ZFHX3: variants seen among roughly 807,000 people sequenced by gnomAD.
The protein encoded by ZFHX3 is zinc finger homeobox 3, also known as zinc finger homeobox protein 3.
Under a neutral mutation model 279.1 loss-of-function variants are expected in ZFHX3, and 42 were observed. The ratio of observed to expected loss-of-function variants is 0.15; its 90% CI spans 0.12 to 0.19. ZFHX3 has a LOEUF of 0.19. Ranked by LOEUF, ZFHX3 falls within the 10% of genes least tolerant of loss-of-function variation. ZFHX3 has a pLI of 1.00. For synonymous variants in ZFHX3, 2,293 were observed against 1,957.8 expected (o/e 1.17, Z -4.52); for missense variants, 4,981 against 4,754.0 (o/e 1.05, Z -1.40).
chr16:73,349,105 CTT>C lies in ZFHX3; in HGVS notation c.-1290-30771_-1290-30770del, dbSNP rs1202221021. On this transcript the variant is annotated intron_variant, in intron 3 of 17. Coordinates refer to the ZFHX3 transcript ENST00000641206. ...AGATTCCCAAGGAGTATTTTTCACA[CTT>C]TCCCACTCAGGGATCTCCCGAGGGA... 2.0e-5 allele frequency among the ~76,000 whole-genome samples: 3 copies of C among 152,192 alleles called. No individual in the cohort carries two copies. In the East Asian group the frequency reaches 5.8e-4, roughly 29 times the overall value.
In ZFHX3 at chr16:73,379,955, T is replaced by A. The variant is rs141934238; in HGVS notation, c.-1290-61619A>T. On this transcript the variant is annotated intron_variant, in intron 3 of 17. Coordinates refer to the ZFHX3 transcript ENST00000641206. ...TTGGAGACTAAAAGCACAGTAACTGTGAAACTCCTGGAGGAACTCTAGAAT... is the reference window on the plus strand; with the variant it reads ...TTGGAGACTAAAAGCACAGTAACTGAGAAACTCCTGGAGGAACTCTAGAAT... Among the ~76,000 whole-genome samples the A allele has an allele frequency of 9.2e-5, 14 of 152,232 alleles. No individual in the cohort carries two copies. The East Asian group carries it at 2.7e-3, about 29-fold the overall frequency.
exon 5 of ZFHX3, chr16:73,257,116 C>G (rs1361710117): frequency 6.6e-6 from 1 of 152,190 alleles, no homozygotes; most frequent in Admixed American, 6.5e-5. Flanking sequence ...AGCACAACGT[C>G]TGGGTTCCCC....
intron 2 of ZFHX3, among the ~76,000 whole-genome samples, chr16:73,562,505 A>G (rs2020385641): frequency 6.7e-6 from 1 of 150,294 alleles, no homozygotes; most frequent in African/African-American, 2.5e-5. Context: ...CTGAGGCGGG[A>G]GAATGGCGTG....
chr16:73,330,590 C>A (rs1057357225), intron 3 of ZFHX3, among the ~76,000 whole-genome samples: 1 of 152,078 alleles, frequency 6.6e-6, no homozygotes, highest in Non-Finnish European at 1.5e-5. Context: ...CCTGGCTGAA[C>A]TTTGAAGTGG....
At chr16:72,875,528 A>G (rs1288281069) in intron 4 of ZFHX3, among the ~76,000 whole-genome samples, 7 of 152,252 alleles carry the variant, frequency 4.6e-5, no homozygotes. Context: ...GCCTCAGTGC[A>G]GTTTCTACTT....
exon 1 of ZFHX3, chr16:73,891,775 T>TCTCTC (rs2030547283): frequency 6.9e-6 from 1 of 144,000 alleles, no homozygotes; most frequent in African/African-American, 2.5e-5. Context: ...TCTCTCTCTC[T>TCTCTC]TCCTCCTCCT....
chr16:73,792,712 G>T (rs956535300), intron 1 of ZFHX3, among the ~76,000 whole-genome samples: 2 of 152,170 alleles, frequency 1.3e-5, no homozygotes, highest in Admixed American at 6.6e-5. Flanking sequence ...AATGGCAAGT[G>T]GTGGGTGAAG....
At chr16:73,416,813 G>A (rs1471165092) in intron 3 of ZFHX3, among the ~76,000 whole-genome samples, 2 of 149,140 alleles carry the variant, frequency 1.3e-5, no homozygotes, top group Non-Finnish European at 3.0e-5. Flanking sequence ...GGCGGAGCCT[G>A]CAGTGAGCCG....
intron 2 of ZFHX3, among the ~76,000 whole-genome samples, chr16:73,601,738 A>G (rs549530888): frequency 1.3e-5 from 2 of 152,264 alleles, no homozygotes; most frequent in East Asian, 1.9e-4. Flanking sequence ...GCTTTTTTCA[A>G]TGTGAACTTT....
intron 1 of ZFHX3, among the ~76,000 whole-genome samples, chr16:73,021,056 C>G (rs1207869388): frequency 6.6e-6 from 1 of 152,164 alleles, no homozygotes; most frequent in Non-Finnish European, 1.5e-5. Context: ...AAATGAAGCT[C>G]CTTAAATTAT....
intron 5 of ZFHX3, among the ~76,000 whole-genome samples, chr16:73,173,304 C>A (rs1334885733): frequency 6.6e-6 from 1 of 152,036 alleles, no homozygotes; most frequent in Admixed American, 6.5e-5. Flanking sequence ...TTTCTGAGAT[C>A]TTCCGTGGGC....
intron 3 of ZFHX3, among the ~76,000 whole-genome samples, chr16:73,410,926 A>G (rs1465431963): frequency 6.6e-6 from 1 of 152,228 alleles, no homozygotes; most frequent in Non-Finnish European, 1.5e-5. Context: ...CAGGTGCAGA[A>G]CTACAGCCCA....
intron 1 of ZFHX3, among the ~76,000 whole-genome samples, chr16:73,755,015 C>T (rs946363901): frequency 7.9e-5 from 12 of 152,158 alleles, no homozygotes; most frequent in African/African-American, 2.9e-4. Context: ...ACCCTCCTTA[C>T]AAAGGAGATG....
chr16:73,100,426 T>C (rs1321237263), intron 7 of ZFHX3, among the ~76,000 whole-genome samples: 1 of 152,200 alleles, frequency 6.6e-6, no homozygotes, highest in East Asian at 1.9e-4. Context: ...TTTGCTGGGT[T>C]TGATTAACTT....
chr16:72,920,882 TA>T (rs1192909898), intron 3 of ZFHX3, among the ~76,000 whole-genome samples: 9 of 151,758 alleles, frequency 5.9e-5, no homozygotes, highest in African/African-American at 2.2e-4. Flanking sequence ...CCAGCCTGGG[TA>T]AGAAAGTGAG....
Position 73,698,802 on chromosome 16 carries a change from G to T in ZFHX3, c.-1607-18562C>A, listed in dbSNP as rs138050418. 1.5e-3 allele frequency among the ~76,000 whole-genome samples: 230 copies of T among 152,228 alleles called. 1 individual carries two copies. Among genetic ancestry groups the T allele is most frequent in the African/African-American group, 5.2e-3 (216 of 41,528 alleles). On this transcript the variant is annotated intron_variant, in intron 1 of 17. Coordinates refer to the ZFHX3 transcript ENST00000641206. ...GTCACGACAACTTAATGCAACGTAG[G>T]GTCCTGCACTGGGTTCTGGATATTA...
chr16:73,682,614 C>G (rs947913752), intron 1 of ZFHX3, among the ~76,000 whole-genome samples: 1 of 151,432 alleles, frequency 6.6e-6, no homozygotes, highest in African/African-American at 2.4e-5. Context: ...GGTGAAACCC[C>G]GTCTCTACTA....
chr16:72,822,794 AGT>A (rs1491126666), intron 5 of ZFHX3, among the ~76,000 whole-genome samples: 8 of 110,518 alleles, frequency 7.2e-5, no homozygotes, highest in African/African-American at 2.9e-4. Flanking sequence ...CTAGAAAGTG[AGT>A]TTTTTTTTTT....
chr16:73,369,118 AT>A (rs1218974200), intron 3 of ZFHX3, among the ~76,000 whole-genome samples: 15 of 152,162 alleles, frequency 9.9e-5, no homozygotes, highest in Non-Finnish European at 1.6e-4. Context: ...CGAAAGCATT[AT>A]TTTCTATTGT....
Sources: gnomAD v4.1 joint callset for allele counts (sites outside exome capture counted in the v4.1 genomes callset) on GRCh38, gnomAD v4.1.1 for gene constraint, MANE v1.5 for transcripts, NCBI Gene and HGNC (gene_info 2026-07-23, HGNC 2026-07-21) for gene names.